Variants in WNT9A observed in about 807,000 individuals in gnomAD.
WNT9A encodes Wnt family member 9A.
WNT9A carries 8 observed loss-of-function variants against 31.4 expected under a neutral mutation model. The ratio of observed to expected loss-of-function variants is 0.26; its 90% CI spans 0.15 to 0.46. WNT9A has a LOEUF of 0.46. WNT9A is among the 20% of genes least tolerant of loss of function. WNT9A has a pLI of 0.99. For synonymous variants in WNT9A, 236 were observed against 220.1 expected (o/e 1.07, Z -0.64); for missense variants, 457 against 522.9 (o/e 0.87, Z 1.23).
chr1:227,925,102 T>C lies in WNT9A; in HGVS notation c.352+161A>G, dbSNP rs1666393571. Reference sequence around the variant, plus strand: ...GCAGGGCAGGCAGCACTCAGGGAGGTCCCGGGGCTGCCCTTTCCAGGGCCT... The same window carrying C: ...GCAGGGCAGGCAGCACTCAGGGAGGCCCCGGGGCTGCCCTTTCCAGGGCCT... On this transcript the variant is annotated intron_variant, in intron 2 of 3. Coordinates refer to ENST00000272164, the MANE Select transcript of WNT9A (RefSeq NM_003395.4). The surrounding 1 kb of genome is among the most constrained non-coding windows in gnomAD (Gnocchi z 6.0). 1.3e-5 allele frequency among the ~76,000 whole-genome samples: 2 copies of C among 152,030 alleles called. No homozygotes were observed. The highest frequency in any genetic ancestry group is 2.9e-5 in the Non-Finnish European group (2 of 67,970).
chr1:227,934,698 A>T lies in WNT9A; in HGVS notation c.96-9179T>A, dbSNP rs1025208228. 3.3e-5 allele frequency among the ~76,000 whole-genome samples: 5 copies of T among 152,158 alleles called. 1 individual carries two copies. The highest frequency in any genetic ancestry group is 3.3e-4 in the Admixed American group (5 of 15,274). On this transcript the variant is annotated intron_variant, in intron 1 of 3. Transcript: ENST00000272164. ...TCTCCTCTTCTAAAATGTGCACTTA[A>T]AGCTATCACTGTCATCATTTCAGTT...
rs769158492 is a variant in WNT9A at position 227,928,627 on chromosome 1, AC to A, written c.96-3109del. 1.2e-4 allele frequency among the ~76,000 whole-genome samples: 18 copies of A among 152,290 alleles called. 1 individual carries two copies. In the Middle Eastern group the frequency reaches 0.034, roughly 288 times the overall value. ...TGCAGGTCTGAGGATAAACAGGCAGACCACAGGCACCACAGGGCATGCTGGG... is the reference window on the plus strand; with the variant it reads ...TGCAGGTCTGAGGATAAACAGGCAGACACAGGCACCACAGGGCATGCTGGG... On this transcript the variant is annotated intron_variant, in intron 1 of 3. Transcript: ENST00000272164. This position sits in a 1 kb window ranked among gnomAD's most constrained non-coding sequence, Gnocchi z 4.5.
chr1:227,924,090 G>T (rs756866474), intron 3 of WNT9A, 48 bp downstream of exon 3: 2 of 335,022 alleles, frequency 6.0e-6, no homozygotes, highest in East Asian at 1.2e-4. Context: ...ACCCCCTGAC[G>T]CTCTTTCTGA....
Position 227,926,473 on chromosome 1 carries a change from CA to C in WNT9A, c.96-955del, listed in dbSNP as rs1457206876. On this transcript the variant is annotated intron_variant, in intron 1 of 3. Coordinates refer to ENST00000272164, the MANE Select transcript of WNT9A (RefSeq NM_003395.4). The surrounding 1 kb of genome is among the most constrained non-coding windows in gnomAD (Gnocchi z 5.0). ...ATATCGAGTCAAGAGCCCTCAACCC[CA>C]AACCCTGACCCCGACCCCATGTCAC... is the stretch of plus-strand genomic sequence containing the variant. 1.3e-5 allele frequency among the ~76,000 whole-genome samples: 2 copies of C among 152,084 alleles called. No homozygotes were observed. The highest frequency in any genetic ancestry group is 4.8e-5 in the African/African-American group (2 of 41,414).
chr1:227,923,154 CAG>C (rs769256140), intron 3 of WNT9A, among the ~76,000 whole-genome samples: 18 of 152,278 alleles, frequency 1.2e-4, no homozygotes, highest in Middle Eastern at 3.4e-3. Context: ...GAGACCCAAA[CAG>C]GGGAGGTTGA....
chr1:227,924,006 C>A, intron 3 of WNT9A, 132 bp downstream of exon 3: 1 of 1,302,348 alleles, frequency 7.7e-7, no homozygotes, highest in Non-Finnish European at 1.0e-6. Flanking sequence ...CTCCACCCTC[C>A]TACAGGAGGC....
chr1:227,943,802 C>T (rs1666751707), intron 1 of WNT9A, among the ~76,000 whole-genome samples: 1 of 152,076 alleles, frequency 6.6e-6, no homozygotes, highest in African/African-American at 2.4e-5. Flanking sequence ...TGGTAAAACC[C>T]CATCTCTACA....
intron 1 of WNT9A, among the ~76,000 whole-genome samples, chr1:227,927,121 G>A (rs1018914403): frequency 2.6e-5 from 4 of 152,130 alleles, no homozygotes; most frequent in African/African-American, 7.2e-5. Context: ...GAGCCAGCCC[G>A]AGCACCCATG....
Position 227,924,254 on chromosome 1 carries a change from C to G in WNT9A, c.499G>C (p.Gly167Arg), listed in dbSNP as rs761587727. ...LENREAWQWG[G>R]CGDNLKYSSK... Reference sequence around the variant, plus strand: ...CTGTACTTAAGGTTGTCTCCGCAGCCCCCCCACTGCCAGGCCTCACGGTTC... The same window carrying G: ...CTGTACTTAAGGTTGTCTCCGCAGCGCCCCCACTGCCAGGCCTCACGGTTC... The change falls in exon 3 of 4, where the codon GGC (glycine) becomes CGC (arginine). Residue 167 changes from glycine to arginine, a missense_variant. Coordinates refer to ENST00000272164, the MANE Select transcript of WNT9A (RefSeq NM_003395.4). The G allele has an allele frequency of 2.5e-6, 4 of 1,613,770 alleles. No homozygotes were observed. The highest frequency in any genetic ancestry group is 1.3e-5 in the African/African-American group (1 of 74,936).
At position 227,942,751 on chromosome 1, in the gene WNT9A, G is replaced by T. The variant is rs1029134833; in HGVS notation, c.95+5042C>A. Among the ~76,000 whole-genome samples, 32 of 152,144 alleles carry T rather than the reference G, an allele frequency of 2.1e-4. No individual in the cohort carries two copies. Among genetic ancestry groups the T allele is most frequent in the Admixed American group, 5.2e-4 (8 of 15,278 alleles). ...GCTTCCTGGGGTGTCCTAAGTTGTT[G>T]GAGGGGGTGGGTCTCCAGGACAGTG... On this transcript the variant is annotated intron_variant, in intron 1 of 3. Coordinates refer to ENST00000272164, the MANE Select transcript of WNT9A (RefSeq NM_003395.4). This position sits in a 1 kb window ranked among gnomAD's most constrained non-coding sequence, Gnocchi z 5.7.
chr1:227,934,957 C>A (rs1460668683), intron 1 of WNT9A, among the ~76,000 whole-genome samples: 1 of 152,022 alleles, frequency 6.6e-6, no homozygotes, highest in African/African-American at 2.4e-5. Context: ...CAGCCTGAGT[C>A]ACAGCCCCAG....
At chr1:227,935,283 G>A (rs1190778590) in intron 1 of WNT9A, among the ~76,000 whole-genome samples, 6 of 151,934 alleles carry the variant, frequency 3.9e-5, no homozygotes, top group African/African-American at 1.5e-4. Flanking sequence ...GCCTGAGTCA[G>A]ACACAGTTCA....
In WNT9A at chr1:227,925,637, G is replaced by T. The variant is rs1666409796; in HGVS notation, c.96-118C>A. On this transcript the variant is annotated intron_variant, in intron 1 of 3. Coordinates refer to ENST00000272164, the MANE Select transcript of WNT9A (RefSeq NM_003395.4). The surrounding 1 kb of genome is among the most constrained non-coding windows in gnomAD (Gnocchi z 6.0). ...GTGTCCATCCGGGGGTGAGGGGGCA[G>T]AAAGAATCCAGGATGAGCCAGGCAG... The T allele has an allele frequency of 1.4e-6, 2 of 1,396,180 alleles. No homozygotes were observed. The highest frequency in any genetic ancestry group is 2.9e-5 in the African/African-American group (2 of 68,214). The allele number at this position is 1,396,180 out of a possible 1,614,324, so 86.5% of individuals were successfully genotyped here.
rs1377837969 is a variant in WNT9A, at chr1:227,926,362, C to T, written c.96-843G>A. ...CCACCCCACTGGGTGCCCCCTCCCC[C>T]CAGCTGGCTGCTGGCTCACCTGCTG... On this transcript the variant is annotated intron_variant, in intron 1 of 3. Transcript: ENST00000272164. This position sits in a 1 kb window ranked among gnomAD's most constrained non-coding sequence, Gnocchi z 5.0. 6.6e-6 allele frequency among the ~76,000 whole-genome samples: 1 copy of T among 152,098 alleles called. No homozygotes were observed. Among genetic ancestry groups the T allele is most frequent in the South Asian group, 2.1e-4 (1 of 4,828 alleles).
At chr1:227,923,804 C>T (rs1024433869) in intron 3 of WNT9A, among the ~76,000 whole-genome samples, 1 of 152,162 alleles carries the variant, frequency 6.6e-6, no homozygotes, top group East Asian at 1.9e-4. Context: ...TGCCATGATA[C>T]TGGTTAGACT....
Position 227,942,517 on chromosome 1 carries a change from C to T in WNT9A, c.95+5276G>A, listed in dbSNP as rs531603410. On this transcript the variant is annotated intron_variant, in intron 1 of 3. Coordinates refer to ENST00000272164, the MANE Select transcript of WNT9A (RefSeq NM_003395.4). This position sits in a 1 kb window ranked among gnomAD's most constrained non-coding sequence, Gnocchi z 5.7. Reference sequence around the variant, plus strand: ...GAGAAATGCCCCGACTTTCCACTGGCCCTGTCCTCTCCTCTCCATGCTAAG... The same window carrying T: ...GAGAAATGCCCCGACTTTCCACTGGTCCTGTCCTCTCCTCTCCATGCTAAG... Among the ~76,000 whole-genome samples the T allele has an allele frequency of 6.6e-6, 1 of 152,262 alleles. No homozygotes were observed. The highest frequency in any genetic ancestry group is 2.1e-4 in the South Asian group (1 of 4,830).
At chr1:227,924,062 T>TGCCCCC in intron 3 of WNT9A, 76 bp downstream of exon 3, 5 of 234,960 alleles carry the variant, frequency 2.1e-5, no homozygotes, top group Non-Finnish European at 2.5e-5. Flanking sequence ...CCGCCCCCAG[T>TGCCCCC]CCCACGCCCC....
rs532482962 is a variant in WNT9A, at chr1:227,925,612, G to A, written c.96-93C>T. On this transcript the variant is annotated intron_variant, in intron 1 of 3. Transcript: ENST00000272164. The surrounding 1 kb of genome is among the most constrained non-coding windows in gnomAD (Gnocchi z 6.0). ...GGTGGCCAGGGTACAGGGGACAGGC[G>A]TGTCCATCCGGGGGTGAGGGGGCAG... The A allele has an allele frequency of 5.6e-5, 80 of 1,424,210 alleles. No individual in the cohort carries two copies. The highest frequency in any genetic ancestry group is 2.5e-4 in the South Asian group (17 of 66,774). 88.2% of individuals were successfully genotyped at this position (1,424,210 alleles called of 1,614,324 possible). A position where few individuals can be genotyped will look rare whatever the true frequency, so the allele number is the denominator to read the frequency against.
chr1:227,943,381 T>G (rs1384321141), intron 1 of WNT9A, among the ~76,000 whole-genome samples: 1 of 151,952 alleles, frequency 6.6e-6, no homozygotes, highest in East Asian at 1.9e-4. Flanking sequence ...TATAAAGAGC[T>G]CTCATAAACT....
Sources: allele counts gnomAD v4.1 joint callset (sites outside exome capture counted in the v4.1 genomes callset), GRCh38; gene constraint gnomAD v4.1.1; non-coding constraint Gnocchi (gnomAD v3.1); transcripts MANE v1.5; gene names NCBI Gene and HGNC (gene_info 2026-07-23, HGNC 2026-07-21).